SCN8A: variants seen among roughly 807,000 people sequenced by gnomAD.
SCN8A encodes the protein sodium voltage-gated channel alpha subunit 8.
A neutral mutation model predicts 184.1 loss-of-function variants in SCN8A; 30 were observed. That is an observed-to-expected ratio of 0.16 (90% CI 0.12 to 0.22). SCN8A has a LOEUF of 0.22. SCN8A is among the 10% of genes least tolerant of loss of function. The pLI, the probability that SCN8A is intolerant of heterozygous loss-of-function variation, is 1.00. For missense variants in SCN8A, 1,057 were observed against 2,498.9 expected (o/e 0.42, Z 12.30); for synonymous variants, 852 against 907.0 (o/e 0.94, Z 1.09).
chr12:51,809,883 A>AG lies in SCN8A; in HGVS notation c.*2454_*2455insG, dbSNP rs1453645991. On this transcript the variant is annotated 3_prime_UTR_variant, in exon 27 of 27. Transcript: ENST00000627620. ...ACATCCCCAAACCAGACAGACAGAC[A>AG]AAAAATTTTTTATTGCTAATGGTCT... The AG allele has an allele frequency of 1.3e-5, 2 of 152,262 alleles. No homozygotes were observed. The highest frequency in any genetic ancestry group is 4.8e-5 in the African/African-American group (2 of 41,468). 9.4% of individuals were successfully genotyped at this position (152,262 alleles called of 1,614,324 possible).
At chr12:51,665,269 T>C (rs985129120) in intron 2 of SCN8A, among the ~76,000 whole-genome samples, 9 of 152,236 alleles carry the variant, frequency 5.9e-5, no homozygotes, top group South Asian at 2.1e-4. Flanking sequence ...TCTCTGGACC[T>C]GATGGGTGTC....
chr12:51,720,675 T>C (rs951133327), intron 11 of SCN8A, among the ~76,000 whole-genome samples: 1 of 152,126 alleles, frequency 6.6e-6, no homozygotes, highest in Non-Finnish European at 1.5e-5. Flanking sequence ...TATATAATTT[T>C]CAACTGAACT....
chr12:51,624,685 C>T (rs1940037632), intron 1 of SCN8A, among the ~76,000 whole-genome samples: 3 of 152,080 alleles, frequency 2.0e-5, no homozygotes, highest in Non-Finnish European at 4.4e-5. Flanking sequence ...GAAGTCCTTG[C>T]CCATGCCTAT....
At chr12:51,595,149 CCTCT>C (rs1939318359) in intron 1 of SCN8A, among the ~76,000 whole-genome samples, 1 of 152,144 alleles carries the variant, frequency 6.6e-6, no homozygotes, top group Admixed American at 6.5e-5. Flanking sequence ...TAGTACAATG[CCTCT>C]CTAAGCTGGC....
intron 1 of SCN8A, among the ~76,000 whole-genome samples, chr12:51,650,598 A>C (rs1940690006): frequency 6.6e-6 from 1 of 151,606 alleles, no homozygotes; most frequent in Non-Finnish European, 1.5e-5. Flanking sequence ...AGGCCCCCCA[A>C]AATCTGGCCA....
At chr12:51,668,604 T>C (rs1941077571) in intron 2 of SCN8A, among the ~76,000 whole-genome samples, 1 of 152,148 alleles carries the variant, frequency 6.6e-6, no homozygotes, top group Non-Finnish European at 1.5e-5. Context: ...TCCTAAAAAG[T>C]GCAGTGGTAA....
At chr12:51,670,673 G>C (rs1941114734) in intron 2 of SCN8A, among the ~76,000 whole-genome samples, 2 of 152,140 alleles carry the variant, frequency 1.3e-5, no homozygotes, top group African/African-American at 4.8e-5. Context: ...TGTAAGCTGG[G>C]CCAGAAGGAA....
intron 24 of SCN8A, 110 bp downstream of exon 24, chr12:51,789,528 A>G (rs528463634): frequency 1.6e-6 from 2 of 1,227,208 alleles, no homozygotes; most frequent in East Asian, 2.3e-5. Flanking sequence ...TAAAATCTAT[A>G]TTGTTAGCTC....
chr12:51,604,138 G>T (rs926204857), intron 1 of SCN8A, among the ~76,000 whole-genome samples: 1 of 151,996 alleles, frequency 6.6e-6, no homozygotes, highest in Non-Finnish European at 1.5e-5. Flanking sequence ...AGAACTCTTT[G>T]TCAAATTCAA....
intron 12 of SCN8A, among the ~76,000 whole-genome samples, chr12:51,737,742 G>A (rs1942351452): frequency 1.3e-5 from 2 of 152,190 alleles, no homozygotes; most frequent in African/African-American, 2.4e-5. Context: ...GCTGCAGGTT[G>A]TTTACTGCAG....
At chr12:51,634,650 ATTATTAT>A (rs1422427641) in intron 1 of SCN8A, among the ~76,000 whole-genome samples, 1 of 55,286 alleles carries the variant, frequency 1.8e-5, no homozygotes, top group African/African-American at 6.3e-5. Context: ...TATTATTATT[ATTATTAT>A]TTTTTTTTTT....
chr12:51,639,729 G>C (rs921992441), intron 1 of SCN8A, among the ~76,000 whole-genome samples: 1 of 151,312 alleles, frequency 6.6e-6, no homozygotes, highest in Non-Finnish European at 1.5e-5. Flanking sequence ...CCCATTCTTC[G>C]GCAACCACCA....
intron 25 of SCN8A, among the ~76,000 whole-genome samples, chr12:51,793,673 G>A (rs1234330260): frequency 2.0e-5 from 3 of 152,102 alleles, no homozygotes; most frequent in Non-Finnish European, 4.4e-5. Flanking sequence ...TGTCACAGAC[G>A]CAAAAGAGAA....
intron 9 of SCN8A, among the ~76,000 whole-genome samples, chr12:51,703,133 G>T (rs576880737): frequency 4.6e-5 from 7 of 152,198 alleles, no homozygotes; most frequent in Non-Finnish European, 1.0e-4. Flanking sequence ...TTACAGCCTT[G>T]ACGGCCTCTT....
At chr12:51,711,367 T>C (rs1221886574) in intron 11 of SCN8A, among the ~76,000 whole-genome samples, 4 of 152,234 alleles carry the variant, frequency 2.6e-5, no homozygotes, top group Non-Finnish European at 5.9e-5. Context: ...AGGCCAAGGC[T>C]GACTGCCAAG....
At chr12:51,679,002 G>T (rs1426347016) in intron 2 of SCN8A, among the ~76,000 whole-genome samples, 1 of 151,768 alleles carries the variant, frequency 6.6e-6, no homozygotes. Context: ...CATGAACCCA[G>T]GAGGTGGAGG....
intron 6 of SCN8A, among the ~76,000 whole-genome samples, chr12:51,699,369 A>G (rs1038360157): frequency 6.6e-6 from 1 of 152,226 alleles, no homozygotes; most frequent in African/African-American, 2.4e-5. Context: ...GCTTTTTAAG[A>G]TGTATTCACT....
intron 1 of SCN8A, among the ~76,000 whole-genome samples, chr12:51,624,526 G>A (rs1232869157): frequency 6.6e-6 from 1 of 151,864 alleles, no homozygotes; most frequent in Admixed American, 6.6e-5. Flanking sequence ...TTTGTCAGAT[G>A]AGTAGATTGC....
intron 5 of SCN8A, among the ~76,000 whole-genome samples, chr12:51,688,318 C>CTTA (rs925142602): frequency 5.9e-5 from 9 of 152,220 alleles, no homozygotes; most frequent in Non-Finnish European, 8.8e-5. Flanking sequence ...TATATACAGA[C>CTTA]ATTTAGTCAA....
Sources: gnomAD v4.1 joint callset for allele counts (sites outside exome capture counted in the v4.1 genomes callset) on GRCh38, gnomAD v4.1.1 for gene constraint, MANE v1.5 for transcripts, NCBI Gene and HGNC (gene_info 2026-07-23, HGNC 2026-07-21) for gene names.